The following ABCC5 variants were observed in gnomAD, a reference collection of about 807,000 sequenced individuals.
ABCC5 encodes ATP binding cassette subfamily C member 5.
In ABCC5, 61 loss-of-function variants were observed where a neutral mutation model predicts 160.9. That is an observed-to-expected ratio of 0.38 (90% confidence interval 0.31 to 0.47). The LOEUF (loss-of-function observed/expected upper bound fraction) is 0.47, where lower values mean the gene tolerates loss of function less well. ABCC5 is among the 20% of genes least tolerant of loss of function. The pLI is 0.99. For missense variants in ABCC5, 1,308 were observed against 1,813.3 expected (o/e 0.72, Z 5.06); for synonymous variants, 666 against 700.6 (o/e 0.95, Z 0.78).
chr3:183,967,834 G>A, intron 11 of ABCC5, 68 bp from the exon 12 acceptor site: 1 of 1,268,686 alleles, frequency 7.9e-7, no homozygotes, highest in South Asian at 1.2e-5. Flanking sequence ...AGGACTTGAG[G>A]AAAAACACAT....
At position 183,925,789 on chromosome 3, in the gene ABCC5, C is replaced by G. The variant is rs916618981; in HGVS notation, c.4048-70G>C. 3.6e-6 allele frequency: 5 copies of G among 1,407,642 alleles called. No homozygotes were observed. The South Asian group carries it at 5.2e-5, about 15-fold the overall frequency. 87.2% of individuals were successfully genotyped at this position (1,407,642 alleles called of 1,614,324 possible). A position where few individuals can be genotyped will look rare whatever the true frequency, so the allele number is the denominator to read the frequency against. ...AGCATTCTGGTTAATCTAGATTTTA[C>G]TAAAATGTATTTCATTTAAGTTTTA... On this transcript the variant is annotated intron_variant, in intron 28 of 29. Transcript: ENST00000334444.
intron 8 of ABCC5, among the ~76,000 whole-genome samples, chr3:183,980,816 G>A (rs1390457988): frequency 1.3e-5 from 2 of 151,648 alleles, no homozygotes; most frequent in East Asian, 1.9e-4. Context: ...GGGTTCAAGC[G>A]ATTCTCCTGT....
At position 183,963,731 on chromosome 3, in the gene ABCC5, C is replaced by A; in HGVS notation, c.2032-143G>T. On this transcript the variant is annotated intron_variant, in intron 14 of 29. Transcript: ENST00000334444. This position sits in a 1 kb window ranked among gnomAD's most constrained non-coding sequence, Gnocchi z 4.6. The stretch of plus-strand genomic sequence containing the variant: ...CAGATGAACTGCCATGCTGATTCCC[C>A]GCAGATGAACTGCCATGCTGATCCT... 1 of 767,846 alleles carries A rather than the reference C, an allele frequency of 1.3e-6. No homozygotes were observed. The highest frequency in any genetic ancestry group is 2.1e-6 in the Non-Finnish European group (1 of 485,352). The allele number at this position is 767,846 out of a possible 1,614,324, so 47.6% of individuals were successfully genotyped here.
chr3:183,946,890 T>G (rs9838667), intron 23 of ABCC5, among the ~76,000 whole-genome samples: 40,221 of 151,962 alleles, frequency 0.26, 5,629 homozygotes, highest in East Asian at 0.6. Flanking sequence ...GGCTAGAAGG[T>G]TTTATGTATA....
At chr3:183,960,985 C>T (rs1448689896) in intron 16 of ABCC5, among the ~76,000 whole-genome samples, 1 of 147,202 alleles carries the variant, frequency 6.8e-6, no homozygotes, top group African/African-American at 2.4e-5. Flanking sequence ...CGGGGTTTCT[C>T]TCTATGTTGC....
At chr3:183,941,790 C>T (rs1714378475) in intron 25 of ABCC5, among the ~76,000 whole-genome samples, 1 of 151,892 alleles carries the variant, frequency 6.6e-6, no homozygotes, top group Non-Finnish European at 1.5e-5. Context: ...CGAGACCGTC[C>T]TGGCCAACAT....
At chr3:183,962,044 G>A (rs1400041383) in intron 15 of ABCC5, among the ~76,000 whole-genome samples, 2 of 152,154 alleles carry the variant, frequency 1.3e-5, no homozygotes, top group Non-Finnish European at 2.9e-5. Flanking sequence ...GAGCCACCGC[G>A]CCCAGCTGGA....
At chr3:183,965,068 A>G (rs1717091158) in intron 14 of ABCC5, 117 bp downstream of exon 14, 1 of 1,012,036 alleles carries the variant, frequency 9.9e-7, no homozygotes, top group African/African-American at 1.6e-5. Context: ...AGGCCTAATG[A>G]CAGCCTAACT....
chr3:183,951,667 G>C lies in ABCC5; in HGVS notation c.2815-97C>G. On this transcript the variant is annotated intron_variant, in intron 19 of 29. Transcript: ENST00000334444. The surrounding 1 kb of genome is among the most constrained non-coding windows in gnomAD (Gnocchi z 4.7). The stretch of plus-strand genomic sequence containing the variant: ...GCAGCACATCCACTCCCAAAGCGGG[G>C]AGGTGTGAGGGGTCAGGAGGGACAG... The C allele has an allele frequency of 6.5e-7, 1 of 1,534,964 alleles. No homozygotes were observed. The highest frequency in any genetic ancestry group is 8.8e-7 in the Non-Finnish European group (1 of 1,136,396).
chr3:183,983,902 A>C, intron 5 of ABCC5: 3 of 985,482 alleles, frequency 3.0e-6, no homozygotes, highest in South Asian at 4.7e-5. Flanking sequence ...GCCATCTAAC[A>C]GGTCATCTGG....
intron 9 of ABCC5, among the ~76,000 whole-genome samples, 182 bp downstream of exon 9, chr3:183,978,321 T>TG (rs1423521259): frequency 4.6e-5 from 7 of 151,890 alleles, no homozygotes; most frequent in Non-Finnish European, 7.4e-5. Context: ...GGTATTTTTT[T>TG]TTTGTTTGTT....
rs1420948598 is a variant in ABCC5, at chr3:183,989,171, A to G, written c.287+55T>C. The G allele has an allele frequency of 2.2e-5, 27 of 1,239,006 alleles. 1 individual carries two copies. The South Asian group carries it at 3.6e-4, about 16-fold the overall frequency. The allele number at this position is 1,239,006 out of a possible 1,614,324, so 76.8% of individuals were successfully genotyped here. A position where few individuals can be genotyped will look rare whatever the true frequency, so the allele number is the denominator to read the frequency against. ...AGACTCCATCTCAAAAAAAAAAAAA[A>G]AAAAAAAAAAAGGCCTTTGATGCTT... On this transcript the variant is annotated intron_variant, in intron 3 of 29. Coordinates refer to ENST00000334444, the MANE Select transcript of ABCC5 (RefSeq NM_005688.4).
chr3:183,974,765 G>A (rs917492335), intron 10 of ABCC5, among the ~76,000 whole-genome samples: 9 of 152,128 alleles, frequency 5.9e-5, no homozygotes, highest in South Asian at 2.1e-4. Flanking sequence ...CTTTCTACAG[G>A]TTATCAAATC....
At chr3:183,985,420 TC>T (rs776920743) in intron 5 of ABCC5, 1 of 1,537,844 alleles carries the variant, frequency 6.5e-7, no homozygotes, top group Non-Finnish European at 9.0e-7. Context: ...ACAGAGAGAC[TC>T]CCCCCAAATC....
intron 25 of ABCC5, among the ~76,000 whole-genome samples, chr3:183,939,694 A>G (rs1560477220): frequency 2.0e-5 from 3 of 152,240 alleles, no homozygotes; most frequent in African/African-American, 7.2e-5. Flanking sequence ...AAGGATATAA[A>G]CATTTAAAAG....
chr3:183,931,096 C>T (rs991285195), intron 26 of ABCC5, among the ~76,000 whole-genome samples: 1 of 152,106 alleles, frequency 6.6e-6, no homozygotes, highest in African/African-American at 2.4e-5. Context: ...ATAATGAAAT[C>T]AAGCAATTAT....
At chr3:183,984,905 A>G in intron 5 of ABCC5, 1 of 1,564,904 alleles carries the variant, frequency 6.4e-7, no homozygotes, top group African/African-American at 1.3e-5. Flanking sequence ...CTGAAAGGAC[A>G]GCAGGTGGTT....
At chr3:183,967,568 C>T in intron 12 of ABCC5, 127 bp downstream of exon 12, 1 of 802,862 alleles carries the variant, frequency 1.2e-6, no homozygotes, top group Non-Finnish European at 2.1e-6. Context: ...GGATTGGGGG[C>T]ATACAATGCA....
chr3:183,963,237 A>T lies in ABCC5; in HGVS notation c.2235+148T>A. Reference sequence around the variant, plus strand: ...CTGTTACACTGGTACAGTGAGCTTTATTGGTACAGGGGGCTAATTTGCTAA... The same window carrying T: ...CTGTTACACTGGTACAGTGAGCTTTTTTGGTACAGGGGGCTAATTTGCTAA... On this transcript the variant is annotated intron_variant, in intron 15 of 29. Transcript: ENST00000334444. The surrounding 1 kb of genome is among the most constrained non-coding windows in gnomAD (Gnocchi z 4.6). 1.3e-6 allele frequency: 1 copy of T among 767,374 alleles called. No homozygotes were observed. The highest frequency in any genetic ancestry group is 2.1e-6 in the Non-Finnish European group (1 of 467,732). The allele number at this position is 767,374 out of a possible 1,614,324, so 47.5% of individuals were successfully genotyped here.
Sources: gnomAD v4.1 joint callset for allele counts (sites outside exome capture counted in the v4.1 genomes callset) on GRCh38, gnomAD v4.1.1 for gene constraint, Gnocchi (gnomAD v3.1) non-coding constraint, MANE v1.5 for transcripts, NCBI Gene and HGNC (gene_info 2026-07-23, HGNC 2026-07-21) for gene names.